The following BMP6 variants were observed in gnomAD, a reference collection of about 807,000 sequenced individuals.
The protein encoded by BMP6 is bone morphogenetic protein 6.
In BMP6, 17 loss-of-function variants were observed where a neutral mutation model predicts 54.1. That is an observed-to-expected ratio of 0.31 (90% CI 0.22 to 0.47). The LOEUF is 0.47. BMP6 is among the 20% of genes least tolerant of loss of function. The pLI is 1.00. For synonymous variants in BMP6, 328 were observed against 291.2 expected (o/e 1.13, Z -1.28); for missense variants, 720 against 690.4 (o/e 1.04, Z -0.48).
intron 1 of BMP6, among the ~76,000 whole-genome samples, chr6:7,764,725 C>T (rs149800417): frequency 4.5e-4 from 68 of 152,306 alleles, no homozygotes; most frequent in Middle Eastern, 6.8e-3. Flanking sequence ...AAGACGTCCT[C>T]CCATCTCAGC....
intron 1 of BMP6, among the ~76,000 whole-genome samples, chr6:7,805,993 G>C (rs1000217377): frequency 2.6e-5 from 4 of 152,204 alleles, no homozygotes; most frequent in Admixed American, 1.3e-4. Flanking sequence ...TGTCCACTTG[G>C]AAAGAATGCA....
At chr6:7,861,148 A>G (rs1759326922) in intron 2 of BMP6, among the ~76,000 whole-genome samples, 1 of 152,112 alleles carries the variant, frequency 6.6e-6, no homozygotes, top group African/African-American at 2.4e-5. Flanking sequence ...CTAATTCGCA[A>G]AAAGATCTGT....
At chr6:7,808,950 T>A (rs1275143954) in intron 1 of BMP6, among the ~76,000 whole-genome samples, 1 of 147,824 alleles carries the variant, frequency 6.8e-6, no homozygotes. Flanking sequence ...TGGTGAACAT[T>A]CACCTACTCT....
At chr6:7,869,169 C>T (rs958104484) in intron 4 of BMP6, among the ~76,000 whole-genome samples, 1 of 152,238 alleles carries the variant, frequency 6.6e-6, no homozygotes, top group Admixed American at 6.5e-5. Flanking sequence ...GGTGCAGCCT[C>T]CCCGCACAAT....
intron 4 of BMP6, among the ~76,000 whole-genome samples, chr6:7,867,299 A>G (rs1242314924): frequency 6.6e-6 from 1 of 152,138 alleles, no homozygotes; most frequent in Non-Finnish European, 1.5e-5. Context: ...TTGATAGTTT[A>G]TATTTTCTGT....
chr6:7,764,975 C>T (rs1757664558), intron 1 of BMP6, among the ~76,000 whole-genome samples: 1 of 152,208 alleles, frequency 6.6e-6, no homozygotes, highest in South Asian at 2.1e-4. Context: ...TCATAATACT[C>T]TGTGCAGGTA....
chr6:7,726,446 C>G lies in BMP6; in HGVS notation c.-510C>G, dbSNP rs1473397900. On this transcript the variant is annotated 5_prime_UTR_variant, in exon 1 of 7. Transcript: ENST00000283147. ...CTGGGCCCTGCAACGGGGTAAACTTCATGGTGGCCCTGCGATCTGGGGAGG... is the reference window on the plus strand; with the variant it reads ...CTGGGCCCTGCAACGGGGTAAACTTGATGGTGGCCCTGCGATCTGGGGAGG... Among the ~76,000 whole-genome samples the G allele has an allele frequency of 6.6e-6, 1 of 152,188 alleles. No individual in the cohort carries two copies. Among genetic ancestry groups the G allele is most frequent in the East Asian group, 1.9e-4 (1 of 5,180 alleles).
At chr6:7,764,299 G>T (rs1236722852) in intron 1 of BMP6, among the ~76,000 whole-genome samples, 1 of 152,162 alleles carries the variant, frequency 6.6e-6, no homozygotes, top group African/African-American at 2.4e-5. Context: ...TTTTTCTGGA[G>T]GTGGTGGAAG....
chr6:7,776,596 A>G (rs562256771), intron 1 of BMP6, among the ~76,000 whole-genome samples: 8 of 152,312 alleles, frequency 5.3e-5, no homozygotes, highest in Admixed American at 3.9e-4. Context: ...TATGTGTGTC[A>G]TTCCCCAACT....
chr6:7,859,975 C>T (rs1231702917), intron 2 of BMP6, among the ~76,000 whole-genome samples: 7 of 152,166 alleles, frequency 4.6e-5, no homozygotes, highest in Admixed American at 1.3e-4. Context: ...TCACTGGCCT[C>T]GTAAGTATTT....
intron 1 of BMP6, among the ~76,000 whole-genome samples, chr6:7,781,796 G>A (rs1328283305): frequency 6.6e-6 from 1 of 151,528 alleles, no homozygotes; most frequent in Non-Finnish European, 1.5e-5. Flanking sequence ...AACAAATGGC[G>A]CTTGGTCAGA....
At chr6:7,879,483 T>C (rs1200131048) in intron 5 of BMP6, among the ~76,000 whole-genome samples, 2 of 152,156 alleles carry the variant, frequency 1.3e-5, no homozygotes, top group Non-Finnish European at 2.9e-5. Flanking sequence ...AAATTTTAAT[T>C]GAGACAGGGT....
chr6:7,774,124 T>C (rs964226855), intron 1 of BMP6, among the ~76,000 whole-genome samples: 1 of 152,156 alleles, frequency 6.6e-6, no homozygotes, highest in Non-Finnish European at 1.5e-5. Context: ...GAGGCTAGAA[T>C]AAGGTGTTTT....
intron 2 of BMP6, among the ~76,000 whole-genome samples, chr6:7,846,422 A>T (rs147214398): frequency 1.4e-4 from 22 of 152,350 alleles, no homozygotes; most frequent in African/African-American, 5.3e-4. Context: ...CTGAACTCAT[A>T]AGCAACATTA....
At chr6:7,844,918 A>T (rs1581273933) in intron 1 of BMP6, among the ~76,000 whole-genome samples, 2 of 152,298 alleles carry the variant, frequency 1.3e-5, no homozygotes, top group South Asian at 4.1e-4. Context: ...AAGTATTTAA[A>T]CTAAATAAAA....
intron 2 of BMP6, among the ~76,000 whole-genome samples, chr6:7,856,122 A>AAG (rs1759228543): frequency 7.6e-6 from 1 of 131,208 alleles, no homozygotes; most frequent in Non-Finnish European, 1.6e-5. Flanking sequence ...AAAGACTGTA[A>AAG]AAAAAAAAAA....
At chr6:7,800,912 A>AGGGGGGGG (rs201191015) in intron 1 of BMP6, among the ~76,000 whole-genome samples, 2 of 38,210 alleles carry the variant, frequency 5.2e-5, no homozygotes, top group African/African-American at 1.5e-4. Context: ...AAGCGGGGGG[A>AGGGGGGGG]GGGGGGGGCA....
intron 1 of BMP6, among the ~76,000 whole-genome samples, chr6:7,758,050 A>G (rs1045044469): frequency 6.6e-6 from 1 of 152,248 alleles, no homozygotes; most frequent in Non-Finnish European, 1.5e-5. Context: ...CTCATTTTCC[A>G]TATCAAAGTT....
At position 7,845,019 on chromosome 6, in the gene BMP6, G is replaced by A. The variant is rs76088603; in HGVS notation, c.665-121G>A. 2,827 of 861,348 alleles carry A rather than the reference G, an allele frequency of 3.3e-3. 35 individuals are homozygous for A. In the African/African-American group the frequency reaches 0.034, roughly 10 times the overall value. The allele number at this position is 861,348 out of a possible 1,614,324, so 53.4% of individuals were successfully genotyped here. On this transcript the variant is annotated intron_variant, in intron 1 of 6. Coordinates refer to ENST00000283147, the MANE Select transcript of BMP6 (RefSeq NM_001718.6). ...GTGGTCTGTTCACTACCCGATCCCCGTAGTAAGCCGTGGGTAATTGGTAAT... is the reference window on the plus strand; with the variant it reads ...GTGGTCTGTTCACTACCCGATCCCCATAGTAAGCCGTGGGTAATTGGTAAT...
Sources: allele counts gnomAD v4.1 joint callset (sites outside exome capture counted in the v4.1 genomes callset), GRCh38; gene constraint gnomAD v4.1.1; transcripts MANE v1.5; gene names NCBI Gene and HGNC (gene_info 2026-07-23, HGNC 2026-07-21).